The following TNPO3 variants were observed in gnomAD, a reference collection of about 807,000 sequenced individuals.
TNPO3 encodes the protein transportin-3.
In TNPO3, 65 loss-of-function variants were observed where a neutral mutation model predicts 122.8. The ratio of observed to expected loss-of-function variants is 0.53; its 90% CI spans 0.43 to 0.65. TNPO3 has a LOEUF of 0.65. TNPO3 is among the 30% of genes least tolerant of loss of function. TNPO3 has a pLI of 0.00. For missense variants in TNPO3, 850 were observed against 1,136.7 expected, an observed-to-expected ratio of 0.75 and a Z score of 3.63; for synonymous variants, 372 against 411.2, an observed-to-expected ratio of 0.90 and a Z score of 1.15.
At chr7:128,986,963 A>T (rs1348253155) in intron 11 of TNPO3, 43 bp from the exon 12 acceptor site, 1 of 1,536,980 alleles carries the variant, frequency 6.5e-7, no homozygotes, top group South Asian at 1.2e-5. Context: ...CTGAAACTAA[A>T]GGAAAACTTC....
rs1435965884 is a variant in TNPO3, at chr7:128,979,999, G to A, written c.1892C>T (p.Thr631Ile). The A allele has an allele frequency of 1.9e-6, 3 of 1,614,106 alleles. No homozygotes were observed. The highest frequency in any genetic ancestry group is 1.7e-5 in the Admixed American group (1 of 60,020). The change falls in exon 15 of 23, where the codon ACT (threonine) becomes ATT (isoleucine). Residue 631 changes from threonine (T) to isoleucine (I), a missense_variant. By Grantham distance (89) the Thr-to-Ile change is moderately conservative. Transcript: ENST00000265388. ...HTNPIVENGQTHPCQKVIQEI... is the reference protein window; with the variant it reads ...HTNPIVENGQIHPCQKVIQEI... ...CTGTATGACTTTCTGACACGGATGA[G>A]TCTGTCCATTTTCCACAATGGGATT...
intron 16 of TNPO3, 81 bp downstream of exon 16, chr7:128,978,902 G>T: frequency 6.5e-7 from 1 of 1,540,114 alleles, no homozygotes; most frequent in South Asian, 1.2e-5. Flanking sequence ...AAAGTGCTGG[G>T]ATTACAGACG....
intron 1 of TNPO3, among the ~76,000 whole-genome samples, chr7:129,024,578 G>C (rs966627681): frequency 1.3e-5 from 2 of 152,058 alleles, no homozygotes; most frequent in African/African-American, 4.8e-5. Flanking sequence ...AATAACAAGG[G>C]AATCAAATCT....
At chr7:128,996,419 T>A (rs921773917) in intron 8 of TNPO3, among the ~76,000 whole-genome samples, 2 of 152,176 alleles carry the variant, frequency 1.3e-5, no homozygotes, top group Non-Finnish European at 2.9e-5. Context: ...TTAGTTTTCA[T>A]CTAACCACTT....
At chr7:129,018,228 C>CTT in intron 1 of TNPO3, 71 bp from the exon 2 acceptor site, 1 of 1,441,214 alleles carries the variant, frequency 6.9e-7, no homozygotes, top group Non-Finnish European at 9.4e-7. Context: ...AACCTCAATA[C>CTT]TTATATAAAC....
At chr7:128,966,518 G>T (rs1797942005) in intron 21 of TNPO3, among the ~76,000 whole-genome samples, 1 of 152,094 alleles carries the variant, frequency 6.6e-6, no homozygotes, top group Non-Finnish European at 1.5e-5. Flanking sequence ...TTGATTCGGT[G>T]ATTACATTTT....
At chr7:128,977,592 CT>C (rs1377719587) in intron 16 of TNPO3, among the ~76,000 whole-genome samples, 1 of 86,456 alleles carries the variant, frequency 1.2e-5, no homozygotes, top group Non-Finnish European at 2.0e-5. Flanking sequence ...TTCTTTTTTT[CT>C]TTTTTCTTTT....
chr7:129,030,592 T>C (rs377569240), intron 1 of TNPO3: 2 of 151,938 alleles, frequency 1.3e-5, no homozygotes, highest in East Asian at 1.9e-4. Flanking sequence ...TTCGTAAGAG[T>C]TGGGTTCGCA....
Position 129,021,895 on chromosome 7 carries a change from C to T in TNPO3, c.121-3738G>A, listed in dbSNP as rs536118447. Reference sequence around the variant, plus strand: ...AGACTAGGAGGAATTTCACATGTGACTAAACACATCAGATAATGTCTTAAG... The same window carrying T: ...AGACTAGGAGGAATTTCACATGTGATTAAACACATCAGATAATGTCTTAAG... On this transcript the variant is annotated intron_variant, in intron 1 of 22. Coordinates refer to ENST00000265388, the MANE Select transcript of TNPO3 (RefSeq NM_012470.4). Among the ~76,000 whole-genome samples the T allele has an allele frequency of 1.1e-3, 160 of 151,820 alleles. 1 individual carries two copies. Among genetic ancestry groups the T allele is most frequent in the African/African-American group, 3.7e-3 (153 of 41,434 alleles).
chr7:129,003,243 T>C (rs13227075), intron 5 of TNPO3, among the ~76,000 whole-genome samples: 13,433 of 149,386 alleles, frequency 0.09, 851 homozygotes, highest in South Asian at 0.15. Context: ...AATAAATAAA[T>C]AGTAAGTGTT....
intron 21 of TNPO3, among the ~76,000 whole-genome samples, chr7:128,965,840 A>G (rs1470756501): frequency 6.6e-6 from 1 of 152,248 alleles, no homozygotes; most frequent in Non-Finnish European, 1.5e-5. Flanking sequence ...ACAAAAAGAC[A>G]AATCTGTATG....
chr7:128,957,975 C>T (rs772453537), intron 21 of TNPO3, among the ~76,000 whole-genome samples: 9 of 152,080 alleles, frequency 5.9e-5, no homozygotes, highest in Admixed American at 4.6e-4. Flanking sequence ...ATTCAACTGA[C>T]CCTGTTTTTT....
intron 1 of TNPO3, among the ~76,000 whole-genome samples, chr7:129,035,266 T>G (rs1806495659): frequency 6.6e-6 from 1 of 152,080 alleles, no homozygotes; most frequent in Admixed American, 6.6e-5. Context: ...AGAGCGAGAC[T>G]CCGTCTCAAA....
chr7:128,976,625 C>T (rs1476121495), intron 16 of TNPO3, among the ~76,000 whole-genome samples: 1 of 152,122 alleles, frequency 6.6e-6, no homozygotes, highest in Non-Finnish European at 1.5e-5. Flanking sequence ...AGGTGTGCAC[C>T]ACCATGCCCG....
At chr7:128,986,532 G>A (rs565520997) in intron 12 of TNPO3, among the ~76,000 whole-genome samples, 197 bp downstream of exon 12, 1 of 152,222 alleles carries the variant, frequency 6.6e-6, no homozygotes, top group East Asian at 1.9e-4. Flanking sequence ...AATTATATAG[G>A]CTTAAGATAA....
At chr7:129,033,413 C>T (rs1472401817) in intron 1 of TNPO3, among the ~76,000 whole-genome samples, 1 of 152,044 alleles carries the variant, frequency 6.6e-6, no homozygotes, top group African/African-American at 2.4e-5. Context: ...AGAATGACCA[C>T]TATCCAAAAA....
At chr7:128,968,855 T>C (rs896957665) in intron 20 of TNPO3, among the ~76,000 whole-genome samples, 2 of 151,984 alleles carry the variant, frequency 1.3e-5, no homozygotes, top group Non-Finnish European at 2.9e-5. Flanking sequence ...GGACTATAGA[T>C]GTATGCCACC....
At chr7:129,005,271 G>C (rs557446971) in intron 4 of TNPO3, 112 bp from the exon 5 acceptor site, 2 of 1,031,634 alleles carry the variant, frequency 1.9e-6, no homozygotes, top group East Asian at 5.5e-5. Context: ...AACAGCCAAC[G>C]GTTAAAAGTG....
chr7:128,983,207 CT>C (rs529424784), intron 13 of TNPO3, among the ~76,000 whole-genome samples: 65 of 151,530 alleles, frequency 4.3e-4, no homozygotes, highest in Non-Finnish European at 8.3e-4. Context: ...CAATCAAAGA[CT>C]TTTTTTTTCT....
Sources: gnomAD v4.1 joint callset for allele counts (sites outside exome capture counted in the v4.1 genomes callset) on GRCh38, gnomAD v4.1.1 for gene constraint, MANE v1.5 for transcripts, NCBI Gene and HGNC (gene_info 2026-07-23, HGNC 2026-07-21) for gene names.